SCCPDH: variants seen among roughly 807,000 people sequenced by gnomAD.
SCCPDH encodes the protein saccharopine dehydrogenase-like oxidoreductase.
Under a neutral mutation model 51.5 loss-of-function variants are expected in SCCPDH, and 34 were observed. The ratio of observed to expected loss-of-function variants is 0.66; its 90% CI spans 0.50 to 0.88. The LOEUF (loss-of-function observed/expected upper bound fraction) is 0.88. Among genes scored for constraint, SCCPDH ranks in the 40% least tolerant of loss-of-function variants. The pLI is 0.00. For synonymous variants in SCCPDH, 187 were observed against 191.3 expected, an observed-to-expected ratio of 0.98 and a Z score of 0.19; for missense variants, 464 against 527.1, an observed-to-expected ratio of 0.88 and a Z score of 1.17.
At chr1:246,762,670 A>T (rs1669035009) in intron 9 of SCCPDH, among the ~76,000 whole-genome samples, 1 of 151,920 alleles carries the variant, frequency 6.6e-6, no homozygotes, top group Non-Finnish European at 1.5e-5. Flanking sequence ...GTGAAACTTC[A>T]TCTCTACTAA....
chr1:246,767,084 C>A, intron 11 of SCCPDH, 111 bp from the exon 12 acceptor site: 2 of 611,564 alleles, frequency 3.3e-6, no homozygotes, highest in African/African-American at 1.9e-5. Flanking sequence ...CCGTGATTAC[C>A]ATGAAGACTT....
At chr1:246,758,118 T>C in intron 5 of SCCPDH, 108 bp from the exon 6 acceptor site, 1 of 849,472 alleles carries the variant, frequency 1.2e-6, no homozygotes, top group Non-Finnish European at 1.8e-6. Flanking sequence ...GGATTATGTC[T>C]TGTCCAAATA....
intron 3 of SCCPDH, among the ~76,000 whole-genome samples, chr1:246,736,840 C>T (rs2102982354): frequency 6.6e-6 from 1 of 152,242 alleles, no homozygotes; most frequent in South Asian, 2.1e-4. Context: ...CAACATTGTG[C>T]TAAGTGTTTT....
chr1:246,730,108 C>A (rs1162673414), intron 2 of SCCPDH, among the ~76,000 whole-genome samples: 2 of 152,128 alleles, frequency 1.3e-5, no homozygotes, highest in Non-Finnish European at 2.9e-5. Context: ...TTTTTAGCAG[C>A]CTCCTTGGAA....
chr1:246,726,366 A>G (rs1012367950), intron 1 of SCCPDH, among the ~76,000 whole-genome samples: 6 of 151,948 alleles, frequency 3.9e-5, no homozygotes, highest in African/African-American at 1.4e-4. Context: ...CCTCCTGAGT[A>G]GCTGGTACTA....
Position 246,741,556 on chromosome 1 carries a change from G to A in SCCPDH, c.514+1255G>A, listed in dbSNP as rs544279442. ...CAGGTGATCCTCCCACCTTGGCCTC[G>A]CAGAGTGCTGGGATTACAGACGTGA... On this transcript the variant is annotated intron_variant, in intron 4 of 11. Coordinates refer to ENST00000366510, the MANE Select transcript of SCCPDH (RefSeq NM_016002.3). 3.6e-4 allele frequency among the ~76,000 whole-genome samples: 54 copies of A among 152,026 alleles called. No individual in the cohort carries two copies. In the South Asian group the frequency reaches 7.9e-3, roughly 22 times the overall value.
chr1:246,756,885 T>G (rs559557339), intron 5 of SCCPDH, among the ~76,000 whole-genome samples: 9 of 152,322 alleles, frequency 5.9e-5, no homozygotes, highest in Non-Finnish European at 8.8e-5. Context: ...TTTGAAAATC[T>G]TGTGACAGAA....
intron 9 of SCCPDH, among the ~76,000 whole-genome samples, chr1:246,763,590 G>A (rs1368008857): frequency 2.6e-5 from 4 of 152,102 alleles, no homozygotes; most frequent in African/African-American, 9.7e-5. Flanking sequence ...ACCCTCCTCT[G>A]AGTTATGCCT....
chr1:246,742,160 T>C (rs1248071075), intron 4 of SCCPDH, among the ~76,000 whole-genome samples: 1 of 152,228 alleles, frequency 6.6e-6, no homozygotes, highest in African/African-American at 2.4e-5. Context: ...ACCATTCCAA[T>C]TAAAAAGTGA....
chr1:246,744,258 A>G (rs918022323), intron 5 of SCCPDH, 133 bp downstream of exon 5: 3 of 435,028 alleles, frequency 6.9e-6, no homozygotes, highest in Non-Finnish European at 1.2e-5. Context: ...AAAAAGATAC[A>G]TTGCCAAGAT....
chr1:246,764,147 AT>A (rs1669056933), intron 9 of SCCPDH, 98 bp from the exon 10 acceptor site: 2 of 688,146 alleles, frequency 2.9e-6, no homozygotes, highest in Admixed American at 5.1e-5. Context: ...GTTTTCATCT[AT>A]TGACAATGTC....
At chr1:246,734,130 AC>A (rs1558167217) in intron 2 of SCCPDH, among the ~76,000 whole-genome samples, 1 of 152,144 alleles carries the variant, frequency 6.6e-6, no homozygotes, top group Non-Finnish European at 1.5e-5. Flanking sequence ...GGAGTGAGTG[AC>A]CAGCATGCAA....
At chr1:246,757,003 T>C (rs1269377707) in intron 5 of SCCPDH, among the ~76,000 whole-genome samples, 4 of 152,158 alleles carry the variant, frequency 2.6e-5, no homozygotes, top group Non-Finnish European at 5.9e-5. Context: ...ATGAAGTTTA[T>C]TCCTGTAATA....
At chr1:246,726,080 A>G (rs1368815615) in intron 1 of SCCPDH, among the ~76,000 whole-genome samples, 1 of 151,776 alleles carries the variant, frequency 6.6e-6, no homozygotes, top group Non-Finnish European at 1.5e-5. Flanking sequence ...GATGGTCTCG[A>G]TCTGCTGACC....
At chr1:246,745,705 G>A (rs904170725) in intron 5 of SCCPDH, among the ~76,000 whole-genome samples, 18 of 152,196 alleles carry the variant, frequency 1.2e-4, no homozygotes, top group Non-Finnish European at 2.9e-5. Context: ...TCAGATTAAC[G>A]TAAAGAGGTA....
At position 246,764,263 on chromosome 1, in the gene SCCPDH, C is replaced by G; in HGVS notation, c.1008C>G (p.Phe336Leu). 6.2e-7 allele frequency: 1 copy of G among 1,612,876 alleles called. No individual in the cohort carries two copies. The highest frequency in any genetic ancestry group is 8.5e-7 in the Non-Finnish European group (1 of 1,179,134). Reference protein sequence around the residue: ...PTQKQIDAASFTLTFFGQGYS... With the variant: ...PTQKQIDAASLTLTFFGQGYS... ...CTTCACAGATTGATGCTGCCTCATT[C>G]ACGCTGACATTCTTTGGTCAAGGAT... The change falls in exon 10 of 12, where the codon TTC becomes TTG. Residue 336 changes from phenylalanine (F) to leucine (L), a missense_variant. Physicochemically the swap from Phe to Leu is conservative, Grantham distance 22 (BLOSUM62 0). Coordinates refer to ENST00000366510, the MANE Select transcript of SCCPDH (RefSeq NM_016002.3).
intron 5 of SCCPDH, 53 bp from the exon 6 acceptor site, chr1:246,758,173 C>T (rs1427219477): frequency 5.2e-6 from 7 of 1,358,140 alleles, no homozygotes; most frequent in Admixed American, 2.4e-5. Context: ...CTTGGCTTTA[C>T]ATTTTAGTAA....
chr1:246,725,559 T>A (rs75780804), intron 1 of SCCPDH, among the ~76,000 whole-genome samples: 3,631 of 152,310 alleles, frequency 0.024, 79 homozygotes, highest in South Asian at 0.097. Context: ...TTAATCTACT[T>A]TCATACAATG....
At chr1:246,741,455 C>A (rs1668675138) in intron 4 of SCCPDH, among the ~76,000 whole-genome samples, 1 of 152,126 alleles carries the variant, frequency 6.6e-6, no homozygotes, top group East Asian at 1.9e-4. Context: ...TGCCACCATA[C>A]TCAACTAATT....
Sources: allele counts gnomAD v4.1 joint callset (sites outside exome capture counted in the v4.1 genomes callset), GRCh38; gene constraint gnomAD v4.1.1; transcripts MANE v1.5; gene names NCBI Gene and HGNC (gene_info 2026-07-23, HGNC 2026-07-21).